MYRIP: variants seen among roughly 807,000 people sequenced by gnomAD.
MYRIP encodes myosin VIIA and Rab interacting protein, also known as rab effector MyRIP.
Under a neutral mutation model 98.0 loss-of-function variants are expected in MYRIP, and 49 were observed. That is an observed-to-expected ratio of 0.50 (90% CI 0.40 to 0.63). The LOEUF is 0.63. Among genes scored for constraint, MYRIP ranks in the 30% least tolerant of loss-of-function variants. The pLI, the probability that MYRIP is intolerant of heterozygous loss-of-function variation, is 0.00. For synonymous variants in MYRIP, 404 were observed against 409.5 expected (o/e 0.99, Z 0.16); for missense variants, 1,004 against 1,058.2 (o/e 0.95, Z 0.71).
chr3:39,911,620 G>A (rs529631710), intron 2 of MYRIP, among the ~76,000 whole-genome samples: 3 of 152,292 alleles, frequency 2.0e-5, no homozygotes, highest in South Asian at 2.1e-4. Context: ...GGAGCAAGGA[G>A]GAAAGTTTCC....
chr3:40,031,586 T>G (rs1363191813), intron 2 of MYRIP, among the ~76,000 whole-genome samples: 1 of 152,036 alleles, frequency 6.6e-6, no homozygotes, highest in Admixed American at 6.6e-5. Context: ...CCAGAAAAAT[T>G]TTGCCTACTG....
chr3:40,150,737 G>A (rs1198498455), intron 3 of MYRIP, among the ~76,000 whole-genome samples: 2 of 152,144 alleles, frequency 1.3e-5, no homozygotes, highest in Admixed American at 6.5e-5. Flanking sequence ...GGAGTTGGCC[G>A]GCTATTGGCT....
In MYRIP at chr3:40,127,001, C is replaced by G. The variant is rs114485154; in HGVS notation, c.333-24047C>G. ...CCTGCACAGCTTTGCCCTACAAAAA[C>G]ATGTAACAAACATGAGTCCCAAATA... On this transcript the variant is annotated intron_variant, in intron 3 of 16. Transcript: ENST00000302541. Among the ~76,000 whole-genome samples, 372 of 152,326 alleles carry G rather than the reference C, an allele frequency of 2.4e-3. 2 individuals are homozygous for G. The highest frequency in any genetic ancestry group is 7.9e-3 in the African/African-American group (330 of 41,568).
At chr3:39,982,288 C>T (rs1945914136) in intron 2 of MYRIP, among the ~76,000 whole-genome samples, 1 of 152,158 alleles carries the variant, frequency 6.6e-6, no homozygotes, top group Admixed American at 6.6e-5. Flanking sequence ...GCCATCCTTT[C>T]ACAGTCTGTG....
At chr3:39,997,397 T>A (rs1445695599) in intron 2 of MYRIP, among the ~76,000 whole-genome samples, 1 of 152,022 alleles carries the variant, frequency 6.6e-6, no homozygotes, top group African/African-American at 2.4e-5. Context: ...CAGAGAATAC[T>A]ATAAACACCT....
chr3:40,223,425 T>A (rs9860471), intron 11 of MYRIP, among the ~76,000 whole-genome samples: 8,083 of 152,268 alleles, frequency 0.053, 690 homozygotes, highest in African/African-American at 0.18. Flanking sequence ...ATATATTAAA[T>A]TTAACTCACC....
chr3:40,101,676 C>A (rs1948948492), intron 3 of MYRIP, among the ~76,000 whole-genome samples: 1 of 152,044 alleles, frequency 6.6e-6, no homozygotes, highest in Admixed American at 6.5e-5. Flanking sequence ...ACAATAATTT[C>A]TTTATTTCTG....
chr3:39,833,018 C>T (rs1004598837), intron 1 of MYRIP, among the ~76,000 whole-genome samples: 2 of 152,250 alleles, frequency 1.3e-5, no homozygotes, highest in East Asian at 3.9e-4. Flanking sequence ...GGTTAGTAAA[C>T]AGATCCACTT....
intron 1 of MYRIP, among the ~76,000 whole-genome samples, chr3:39,868,176 G>A (rs907663854): frequency 1.3e-5 from 2 of 152,184 alleles, no homozygotes; most frequent in Non-Finnish European, 2.9e-5. Flanking sequence ...AAGCATGGGA[G>A]GTAGAAAGCA....
chr3:39,846,424 AG>A (rs550466372), intron 1 of MYRIP, among the ~76,000 whole-genome samples: 212 of 152,176 alleles, frequency 1.4e-3, no homozygotes, highest in African/African-American at 4.6e-3. Flanking sequence ...AGGGCTGTGA[AG>A]GTTGATCATC....
intron 2 of MYRIP, among the ~76,000 whole-genome samples, chr3:39,978,743 G>A (rs1031284107): frequency 4.6e-5 from 7 of 151,824 alleles, no homozygotes; most frequent in Non-Finnish European, 7.4e-5. Context: ...ATTTAGATGG[G>A]TACCTCTGTG....
chr3:40,034,269 A>G (rs1473431938), intron 2 of MYRIP, among the ~76,000 whole-genome samples: 2 of 152,168 alleles, frequency 1.3e-5, no homozygotes, highest in East Asian at 3.9e-4. Flanking sequence ...AGAAACTACC[A>G]TCAGAGTGAA....
chr3:40,177,003 A>T (rs1950782232), intron 8 of MYRIP, among the ~76,000 whole-genome samples: 1 of 151,244 alleles, frequency 6.6e-6, no homozygotes, highest in Non-Finnish European at 1.5e-5. Flanking sequence ...TGAGCCCAGG[A>T]GGTCAAGGCT....
intron 3 of MYRIP, among the ~76,000 whole-genome samples, chr3:40,122,926 G>A (rs1428580531): frequency 2.0e-5 from 3 of 151,950 alleles, no homozygotes; most frequent in African/African-American, 7.3e-5. Flanking sequence ...TTGTTCTATA[G>A]GTAAATTGCA....
At chr3:39,883,353 G>A (rs368101375) in intron 1 of MYRIP, among the ~76,000 whole-genome samples, 18 of 152,136 alleles carry the variant, frequency 1.2e-4, no homozygotes, top group South Asian at 2.1e-4. Context: ...AGCACCTGAC[G>A]GAAACAAACA....
chr3:40,033,485 A>G (rs1947306660), intron 2 of MYRIP, among the ~76,000 whole-genome samples: 1 of 152,202 alleles, frequency 6.6e-6, no homozygotes, highest in Non-Finnish European at 1.5e-5. Flanking sequence ...TTCAAAGAGA[A>G]TAAAATACCT....
At chr3:40,015,624 A>C (rs968486125) in intron 2 of MYRIP, among the ~76,000 whole-genome samples, 16 of 152,198 alleles carry the variant, frequency 1.1e-4, no homozygotes, top group Non-Finnish European at 1.6e-4. Context: ...GCCCAGTGGC[A>C]TGGCCTGGTA....
intron 10 of MYRIP, among the ~76,000 whole-genome samples, chr3:40,202,433 G>A (rs547271203): frequency 1.3e-5 from 2 of 152,218 alleles, no homozygotes; most frequent in East Asian, 1.9e-4. Flanking sequence ...TTCAATGTGC[G>A]CAGATCACTG....
At chr3:40,070,673 A>G (rs533829473) in intron 3 of MYRIP, among the ~76,000 whole-genome samples, 55 of 152,176 alleles carry the variant, frequency 3.6e-4, no homozygotes, top group African/African-American at 1.3e-3. Context: ...CACGCTCCTC[A>G]TGAGAATCTA....
Sources: gnomAD v4.1 joint callset for allele counts (sites outside exome capture counted in the v4.1 genomes callset) on GRCh38, gnomAD v4.1.1 for gene constraint, MANE v1.5 for transcripts, NCBI Gene and HGNC (gene_info 2026-07-23, HGNC 2026-07-21) for gene names.